LARP1: variants seen among roughly 807,000 people sequenced by gnomAD.
LARP1 encodes the protein la-related protein 1.
LARP1 carries 36 observed loss-of-function variants against 122.7 expected under a neutral mutation model. The ratio of observed to expected loss-of-function variants is 0.29; its 90% CI spans 0.22 to 0.39. The LOEUF is 0.39. Ranked by LOEUF, LARP1 falls within the 10% of genes least tolerant of loss-of-function variation. LARP1 has a pLI of 1.00. For synonymous variants in LARP1, 539 were observed against 528.7 expected, an observed-to-expected ratio of 1.02 and a Z score of -0.27; for missense variants, 1,040 against 1,403.6, an observed-to-expected ratio of 0.74 and a Z score of 4.14.
In LARP1 at chr5:154,693,326, C is replaced by T. The variant is rs545884120; in HGVS notation, c.-180+10289C>T. On this transcript the variant is annotated intron_variant, in intron 1 of 18. Transcript: ENST00000687700. ...CTAATTTTTTATTTCGTTGTAGAGA[C>T]GGATTTTGCCATGTTGCCCAGGCTC... Among the ~76,000 whole-genome samples the T allele has an allele frequency of 4.6e-5, 7 of 151,950 alleles. No individual in the cohort carries two copies. In the South Asian group the frequency reaches 1.0e-3, roughly 23 times the overall value.
At chr5:154,781,818 A>G (rs1756474696) in intron 1 of LARP1, among the ~76,000 whole-genome samples, 1 of 152,226 alleles carries the variant, frequency 6.6e-6, no homozygotes. Context: ...GGCCCAAGAC[A>G]TTAATTCTTC....
At chr5:154,728,624 G>A (rs1265460105) in intron 1 of LARP1, among the ~76,000 whole-genome samples, 4 of 152,178 alleles carry the variant, frequency 2.6e-5, no homozygotes, top group Non-Finnish European at 5.9e-5. Context: ...ATCTGTTTGG[G>A]TCCAACCAGG....
intron 1 of LARP1, among the ~76,000 whole-genome samples, chr5:154,685,011 G>A (rs1453290276): frequency 6.6e-6 from 1 of 152,112 alleles, no homozygotes; most frequent in Non-Finnish European, 1.5e-5. Flanking sequence ...TTTGTGAGGT[G>A]GAGGTGGGCA....
rs1367572157 is a variant in LARP1 at position 154,815,893 on chromosome 5, ACT to A, written c.*1801_*1802del. 4.0e-5 allele frequency: 6 copies of A among 151,776 alleles called. No homozygotes were observed. The highest frequency in any genetic ancestry group is 3.9e-4 in the Admixed American group (6 of 15,240). The allele number at this position is 151,776 out of a possible 1,614,324, so 9.4% of individuals were successfully genotyped here. On this transcript the variant is annotated 3_prime_UTR_variant, in exon 19 of 19. Coordinates refer to ENST00000518297, the MANE Select transcript of LARP1 (RefSeq NM_033551.3). ...CGGTTATGGGCATGACTGCACGTTCACTCTCAGTGGGATCTGGGCAACATGGA... is the reference window on the plus strand; with the variant it reads ...CGGTTATGGGCATGACTGCACGTTCACTCAGTGGGATCTGGGCAACATGGA...
chr5:154,783,465 G>C (rs935764723), intron 1 of LARP1, among the ~76,000 whole-genome samples: 1 of 152,128 alleles, frequency 6.6e-6, no homozygotes, highest in Admixed American at 6.5e-5. Context: ...TGATGCCCAG[G>C]CATCCCTGCT....
intron 18 of LARP1, among the ~76,000 whole-genome samples, 190 bp from the exon 19 acceptor site, chr5:154,813,697 G>A (rs1444707683): frequency 6.6e-6 from 1 of 152,220 alleles, no homozygotes; most frequent in African/African-American, 2.4e-5. Context: ...GACCCCATGA[G>A]AGAGTGTGCA....
chr5:154,710,272 G>C (rs1445209412), upstream of LARP1, among the ~76,000 whole-genome samples: 6 of 152,128 alleles, frequency 3.9e-5, no homozygotes, highest in South Asian at 2.1e-4. Context: ...AACAGAGCTA[G>C]GGAATTCACT....
chr5:154,799,158 GACC>G (rs1561620412), intron 8 of LARP1, among the ~76,000 whole-genome samples: 1 of 152,194 alleles, frequency 6.6e-6, no homozygotes, highest in Non-Finnish European at 1.5e-5. Context: ...CACCAGGCCC[GACC>G]TGTAAAGTTT....
At chr5:154,744,332 T>A (rs1323415451) in intron 1 of LARP1, among the ~76,000 whole-genome samples, 1 of 152,168 alleles carries the variant, frequency 6.6e-6, no homozygotes, top group Non-Finnish European at 1.5e-5. Context: ...TCTCTGCCTC[T>A]CCTTTAGTCT....
chr5:154,703,119 T>TAA (rs1754794634), intron 1 of LARP1, among the ~76,000 whole-genome samples: 1 of 27,516 alleles, frequency 3.6e-5, no homozygotes, highest in Non-Finnish European at 7.2e-5. Context: ...AGACGCTGTC[T>TAA]CAAAAAAAAA....
In LARP1 at chr5:154,814,153, A is replaced by G; in HGVS notation, c.*57A>G. ...AAAGGGGTAGGGTGGGTAAGAGTCCATGGGGGTGCCCAGTCCCAGGAAAGG... is the reference window on the plus strand; with the variant it reads ...AAAGGGGTAGGGTGGGTAAGAGTCCGTGGGGGTGCCCAGTCCCAGGAAAGG... On this transcript the variant is annotated 3_prime_UTR_variant, in exon 19 of 19. Coordinates refer to ENST00000518297, the MANE Select transcript of LARP1 (RefSeq NM_033551.3). The G allele has an allele frequency of 6.5e-7, 1 of 1,549,176 alleles. No homozygotes were observed. The highest frequency in any genetic ancestry group is 8.8e-7 in the Non-Finnish European group (1 of 1,130,614).
intron 1 of LARP1, chr5:154,685,984 C>A (rs1030616568): frequency 1.9e-5 from 9 of 466,710 alleles, no homozygotes; most frequent in South Asian, 1.1e-4. Flanking sequence ...ACTTTCTTAA[C>A]CCCATAAAAC....
intron 1 of LARP1, among the ~76,000 whole-genome samples, chr5:154,691,256 C>T (rs532525305): frequency 1.5e-4 from 15 of 97,498 alleles, no homozygotes; most frequent in African/African-American, 6.8e-4. Context: ...AGGGAGACTC[C>T]GTCTCAAAAA....
chr5:154,793,612 G>A lies in LARP1; in HGVS notation c.757G>A (p.Val253Ile). 6.2e-7 allele frequency: 1 copy of A among 1,614,160 alleles called. No individual in the cohort carries two copies. Among genetic ancestry groups the A allele is most frequent in the South Asian group, 1.1e-5 (1 of 91,086 alleles). ...TCTCCCAGGAAACAAACACAAGTGG[G>A]TTCCATTACAAATAGACATGAAGCC... is the stretch of plus-strand genomic sequence containing the variant. ...QKKKGNKHKW[V>I]PLQIDMKPEV... is the part of the protein sequence containing the mutation. The change falls in exon 5 of 19, where the codon GTT (valine) becomes ATT (isoleucine). Residue 253 changes from valine to isoleucine, a missense_variant. Physicochemically the swap from Val to Ile is conservative, Grantham distance 29 (BLOSUM62 3). Transcript: ENST00000518297.
intron 1 of LARP1, among the ~76,000 whole-genome samples, chr5:154,737,662 C>T (rs1378470081): frequency 2.0e-5 from 3 of 151,934 alleles, no homozygotes; most frequent in African/African-American, 4.8e-5. Context: ...CGACTGGTCT[C>T]GAACTCCTAA....
At chr5:154,685,198 C>T (rs561148956) in intron 1 of LARP1, among the ~76,000 whole-genome samples, 2 of 151,374 alleles carry the variant, frequency 1.3e-5, no homozygotes, top group African/African-American at 4.9e-5. Context: ...GAGCTGAGAT[C>T]GCGCCACTGC....
At chr5:154,770,670 G>A (rs1464663422) in intron 1 of LARP1, among the ~76,000 whole-genome samples, 1 of 152,186 alleles carries the variant, frequency 6.6e-6, no homozygotes, top group South Asian at 2.1e-4. Flanking sequence ...AGGAACTGCT[G>A]TGGGTTTTTG....
At position 154,800,052 on chromosome 5, in the gene LARP1, G is replaced by A. The variant is rs761179262; in HGVS notation, c.1716+10G>A. 2.5e-6 allele frequency: 4 copies of A among 1,612,074 alleles called. No homozygotes were observed. Among genetic ancestry groups the A allele is most frequent in the Non-Finnish European group, 3.4e-6 (4 of 1,179,376 alleles). On this transcript the variant is annotated intron_variant, in intron 10 of 18. Transcript: ENST00000518297. ...CCCAGCACGGCCCAAGGTGGGTGAG[G>A]CCTTGTCCCTTGCCTTGGTTCTAGC...
chr5:154,751,504 G>C (rs1753488013), upstream of LARP1, among the ~76,000 whole-genome samples: 1 of 152,160 alleles, frequency 6.6e-6, no homozygotes, highest in Admixed American at 6.5e-5. Context: ...CCCAATAAAA[G>C]TAGCTACTCC....
Sources: gnomAD v4.1 joint callset for allele counts (sites outside exome capture counted in the v4.1 genomes callset) on GRCh38, gnomAD v4.1.1 for gene constraint, MANE v1.5 for transcripts, NCBI Gene and HGNC (gene_info 2026-07-23, HGNC 2026-07-21) for gene names.